MAPRE3: variants seen among roughly 807,000 people sequenced by gnomAD.
MAPRE3 encodes the protein microtubule associated protein RP/EB family member 3, also known as microtubule-associated protein RP/EB family member 3.
A neutral mutation model predicts 30.5 loss-of-function variants in MAPRE3; 2 were observed. The observed-to-expected ratio is 0.07, with a 90% confidence interval of 0.03 to 0.21. The LOEUF is 0.21. Ranked by LOEUF, MAPRE3 falls within the 10% of genes least tolerant of loss-of-function variation. The probability of loss-of-function intolerance (pLI) is 1.00; values close to 1 mark genes in which losing one functional copy is unlikely to be tolerated. For synonymous variants in MAPRE3, 110 were observed against 127.7 expected, an observed-to-expected ratio of 0.86 and a Z score of 0.93; for missense variants, 204 against 351.8, an observed-to-expected ratio of 0.58 and a Z score of 3.36.
At chr2:27,014,884 A>C (rs950194445) in intron 1 of MAPRE3, 2 of 152,326 alleles carry the variant, frequency 1.3e-5, no homozygotes, top group African/African-American at 4.8e-5. Flanking sequence ...GCCCAGTGAC[A>C]ATGGGCATAG....
intron 1 of MAPRE3, among the ~76,000 whole-genome samples, chr2:27,006,026 C>CA (rs1309817518): frequency 3.3e-5 from 5 of 151,972 alleles, no homozygotes; most frequent in African/African-American, 1.2e-4. Context: ...ACTAAAAATA[C>CA]AAAAAATTAG....
intron 1 of MAPRE3, among the ~76,000 whole-genome samples, chr2:26,992,788 T>C (rs1021324149): frequency 1.3e-5 from 2 of 152,186 alleles, no homozygotes; most frequent in African/African-American, 4.8e-5. Flanking sequence ...TGCATCTTAC[T>C]CATTGATATC....
At chr2:27,016,469 C>T (rs1666989692) in intron 1 of MAPRE3, among the ~76,000 whole-genome samples, 1 of 150,972 alleles carries the variant, frequency 6.6e-6, no homozygotes, top group Admixed American at 6.6e-5. Flanking sequence ...ACTGCAAGCT[C>T]CGCCTCCCGG....
chr2:26,979,414 C>T (rs1221574773), intron 1 of MAPRE3, among the ~76,000 whole-genome samples: 3 of 152,116 alleles, frequency 2.0e-5, no homozygotes, highest in Non-Finnish European at 4.4e-5. Context: ...AGCGAGACCC[C>T]ATCTACAAAA....
chr2:27,025,357 T>A (rs1005738307), intron 4 of MAPRE3, among the ~76,000 whole-genome samples: 1 of 152,176 alleles, frequency 6.6e-6, no homozygotes, highest in African/African-American at 2.4e-5. Flanking sequence ...TAGTTCCCTA[T>A]AGTTTCTGCT....
At chr2:27,007,137 G>T (rs891100430) in intron 1 of MAPRE3, among the ~76,000 whole-genome samples, 1 of 152,140 alleles carries the variant, frequency 6.6e-6, no homozygotes, top group Non-Finnish European at 1.5e-5. Context: ...GACATATTCT[G>T]GTTTTCCTTT....
intron 1 of MAPRE3, among the ~76,000 whole-genome samples, chr2:27,019,873 G>T (rs192180669): frequency 3.3e-5 from 5 of 152,296 alleles, no homozygotes; most frequent in Admixed American, 6.5e-5. Context: ...TTGGGGTCAG[G>T]GGTGGGAACG....
intron 1 of MAPRE3, among the ~76,000 whole-genome samples, chr2:27,005,588 T>G (rs1382045592): frequency 6.6e-6 from 1 of 152,160 alleles, no homozygotes; most frequent in Non-Finnish European, 1.5e-5. Flanking sequence ...TGAACTCCCT[T>G]GAGTGGTTAG....
chr2:27,010,413 C>T (rs1358850930), intron 1 of MAPRE3, among the ~76,000 whole-genome samples: 1 of 149,530 alleles, frequency 6.7e-6, no homozygotes, highest in Non-Finnish European at 1.5e-5. Context: ...AGATAAGGAG[C>T]ACAAGCCTAC....
At chr2:27,026,205 C>A in intron 6 of MAPRE3, 75 bp from the exon 7 acceptor site, 2 of 1,456,660 alleles carry the variant, frequency 1.4e-6, no homozygotes, top group Non-Finnish European at 1.9e-6. Flanking sequence ...CCTTGCTCTT[C>A]AGCTACTTAC....
At chr2:26,989,392 G>A (rs575587685) in intron 1 of MAPRE3, among the ~76,000 whole-genome samples, 10 of 152,266 alleles carry the variant, frequency 6.6e-5, no homozygotes, top group East Asian at 1.9e-4. Flanking sequence ...TCCGGAGTCC[G>A]TGCAATGCAA....
At position 27,022,312 on chromosome 2, in the gene MAPRE3, T is replaced by C. The variant is rs1343200551; in HGVS notation, c.94T>C (p.Tyr32His). Residue 32 changes from tyrosine to histidine, a missense_variant, in exon 2 of 7, where the codon TAT becomes CAT. Around this residue, in one of 5 missense-constraint regions of MAPRE3, gnomAD observed 101 missense variants for 205.4 expected, o/e 0.49. Coordinates refer to ENST00000233121, the MANE Select transcript of MAPRE3 (RefSeq NM_012326.4). ...AWVNDSLHLN[Y>H]TKIEQLCSGA... ...GGTCAACGACTCCCTGCACCTCAAC[T>C]ATACCAAGATAGAACAGCTTTGTTC... The C allele has an allele frequency of 6.2e-7, 1 of 1,614,128 alleles. No individual in the cohort carries two copies.
At chr2:27,016,337 T>C (rs1490680071) in intron 1 of MAPRE3, among the ~76,000 whole-genome samples, 2 of 151,960 alleles carry the variant, frequency 1.3e-5, no homozygotes, top group Non-Finnish European at 2.9e-5. Flanking sequence ...GAAGGAGCTC[T>C]TGGGAACAAG....
In MAPRE3 at chr2:26,985,399, A is replaced by G. The variant is rs189692454; in HGVS notation, c.-8+14597A>G. 6.6e-6 allele frequency among the ~76,000 whole-genome samples: 1 copy of G among 152,314 alleles called. No homozygotes were observed. Among genetic ancestry groups the G allele is most frequent in the African/African-American group, 2.4e-5 (1 of 41,570 alleles). On this transcript the variant is annotated intron_variant, in intron 1 of 6. Transcript: ENST00000233121. The surrounding 1 kb of genome is among the most constrained non-coding windows in gnomAD (Gnocchi z 4.2). Reference sequence around the variant, plus strand: ...GCCAGAGAGCATTCTGGCAGCATAGATCTGAGTTGGTGAAGCTATTCCTAT... The same window carrying G: ...GCCAGAGAGCATTCTGGCAGCATAGGTCTGAGTTGGTGAAGCTATTCCTAT...
intron 1 of MAPRE3, among the ~76,000 whole-genome samples, chr2:27,017,432 T>C (rs1667014377): frequency 6.6e-6 from 1 of 152,196 alleles, no homozygotes; most frequent in African/African-American, 2.4e-5. Context: ...CTGCTGCCAC[T>C]CATGGGACCC....
At chr2:26,982,623 C>T (rs1156995310) in intron 1 of MAPRE3, among the ~76,000 whole-genome samples, 1 of 152,238 alleles carries the variant, frequency 6.6e-6, no homozygotes, top group Non-Finnish European at 1.5e-5. Flanking sequence ...ACACAGCCTC[C>T]TGCCACTGTT....
At chr2:26,999,902 A>C (rs534498722) in intron 1 of MAPRE3, among the ~76,000 whole-genome samples, 3 of 152,308 alleles carry the variant, frequency 2.0e-5, no homozygotes, top group Admixed American at 1.3e-4. Flanking sequence ...AATACAAATT[A>C]GTTCTAATAT....
At position 27,004,055 on chromosome 2, in the gene MAPRE3, A is replaced by G. The variant is rs151078520; in HGVS notation, c.-7-18157A>G. 8.3e-3 allele frequency among the ~76,000 whole-genome samples: 1,265 copies of G among 152,318 alleles called. 18 individuals are homozygous for G. The highest frequency in any genetic ancestry group is 0.03 in the African/African-American group (1,231 of 41,550). On this transcript the variant is annotated intron_variant, in intron 1 of 6. Transcript: ENST00000233121. ...CTTCCCCTTCCATGAGTCATCTGTC[A>G]AGAGGCTCTGTGCCCACGAGCCATA...
At chr2:27,013,002 G>A (rs1189438740) in intron 1 of MAPRE3, 1 of 152,562 alleles carries the variant, frequency 6.6e-6, no homozygotes, top group Non-Finnish European at 1.5e-5. Flanking sequence ...ACAACTATAA[G>A]CCAGACAGTC....
Sources: allele counts gnomAD v4.1 joint callset (sites outside exome capture counted in the v4.1 genomes callset), GRCh38; gene constraint gnomAD v4.1.1; regional missense constraint gnomAD v4.1.1; non-coding constraint Gnocchi (gnomAD v3.1); transcripts MANE v1.5; gene names NCBI Gene and HGNC (gene_info 2026-07-23, HGNC 2026-07-21).